Variants in FNDC3B observed in about 807,000 individuals in gnomAD.
FNDC3B encodes the protein fibronectin type III domain-containing protein 3B.
A neutral mutation model predicts 151.5 loss-of-function variants in FNDC3B; 12 were observed. The observed-to-expected ratio is 0.08, with a 90% CI of 0.05 to 0.13. The LOEUF is 0.13. FNDC3B is among the 10% of genes least tolerant of loss of function. The pLI, the probability that FNDC3B is intolerant of heterozygous loss-of-function variation, is 1.00. For missense variants in FNDC3B, 1,214 were observed against 1,505.3 expected, an observed-to-expected ratio of 0.81 and a Z score of 3.20; for synonymous variants, 528 against 549.0, an observed-to-expected ratio of 0.96 and a Z score of 0.54.
At chr3:172,142,220 C>A (rs531514197) in intron 3 of FNDC3B, among the ~76,000 whole-genome samples, 1 of 151,958 alleles carries the variant, frequency 6.6e-6, no homozygotes, top group Non-Finnish European at 1.5e-5. Context: ...ATTGACCCCC[C>A]CTTCATTTTT....
chr3:172,322,423 T>C (rs950713171), intron 11 of FNDC3B, among the ~76,000 whole-genome samples: 2 of 152,154 alleles, frequency 1.3e-5, no homozygotes, highest in African/African-American at 4.8e-5. Context: ...AGCCTTTTGG[T>C]TACAAGAGAG....
chr3:172,298,683 T>C, intron 8 of FNDC3B, 45 bp from the exon 9 acceptor site: 2 of 1,457,770 alleles, frequency 1.4e-6, no homozygotes, highest in Non-Finnish European at 9.5e-7. Context: ...TCTCGTTTGC[T>C]TTTGAAACTG....
At position 172,112,566 on chromosome 3, in the gene FNDC3B, G is replaced by T. The variant is rs1165019148; in HGVS notation, c.87G>T (p.Leu29Phe). Residue 29 changes from leucine (L) to phenylalanine (F), a missense_variant, in exon 2 of 26, where the codon TTG (leucine) becomes TTT (phenylalanine). Leu to Phe is a conservative substitution (Grantham distance 22, BLOSUM62 0). Coordinates refer to ENST00000415807, the MANE Select transcript of FNDC3B (RefSeq NM_022763.4). ...GAGAGGTAGCCATGATGCCCCACTT[G>T]GTGAATGGAGATGCAGCTCAGCAGG... ...LNGEVAMMPHLVNGDAAQQVI... is the reference protein window; with the variant it reads ...LNGEVAMMPHFVNGDAAQQVI... 6.2e-7 allele frequency: 1 copy of T among 1,613,582 alleles called. No individual in the cohort carries two copies. Among genetic ancestry groups the T allele is most frequent in the Admixed American group, 1.7e-5 (1 of 60,016 alleles).
chr3:172,347,085 C>A (rs772231440), intron 20 of FNDC3B, 127 bp from the exon 21 acceptor site: 1 of 823,012 alleles, frequency 1.2e-6, no homozygotes, highest in Non-Finnish European at 1.9e-6. Flanking sequence ...TCGTGCCTTT[C>A]TTTTATATGT....
chr3:172,186,814 T>C, intron 3 of FNDC3B: 1 of 691,590 alleles, frequency 1.4e-6, no homozygotes. Context: ...CATAGATATT[T>C]CTTCATTACG....
chr3:172,135,040 G>T lies in FNDC3B; in HGVS notation c.187+1494G>T, dbSNP rs527422118. On this transcript the variant is annotated intron_variant, in intron 3 of 25. Transcript: ENST00000415807. Reference sequence around the variant, plus strand: ...AAAACTAGATGAAAGTCACCTATATGGGATGAAGCTGAAGTTTCCAGTTCA... The same window carrying T: ...AAAACTAGATGAAAGTCACCTATATTGGATGAAGCTGAAGTTTCCAGTTCA... Among the ~76,000 whole-genome samples, 8 of 151,770 alleles carry T rather than the reference G, an allele frequency of 5.3e-5. No individual in the cohort carries two copies. The East Asian group carries it at 1.5e-3, about 29-fold the overall frequency.
chr3:172,252,211 G>C (rs983132746), intron 6 of FNDC3B, among the ~76,000 whole-genome samples: 1 of 152,108 alleles, frequency 6.6e-6, no homozygotes, highest in African/African-American at 2.4e-5. Flanking sequence ...GTAGTTTAGA[G>C]AGAACCTATT....
At chr3:172,064,506 G>A (rs1211720642) in intron 1 of FNDC3B, among the ~76,000 whole-genome samples, 1 of 152,094 alleles carries the variant, frequency 6.6e-6, no homozygotes, top group Non-Finnish European at 1.5e-5. Flanking sequence ...ACTTGTCTTT[G>A]TAAGAAACGG....
At chr3:172,086,783 A>T (rs1646590184) in intron 1 of FNDC3B, among the ~76,000 whole-genome samples, 1 of 152,224 alleles carries the variant, frequency 6.6e-6, no homozygotes. Context: ...CCTTGGGGAG[A>T]TTCTCAGTGT....
chr3:172,320,986 T>C (rs1309216321), intron 11 of FNDC3B, among the ~76,000 whole-genome samples: 2 of 152,236 alleles, frequency 1.3e-5, no homozygotes, highest in African/African-American at 4.8e-5. Flanking sequence ...TTAAACATAC[T>C]CTAAATATTA....
intron 3 of FNDC3B, among the ~76,000 whole-genome samples, chr3:172,141,034 A>G (rs1240054677): frequency 4.6e-5 from 7 of 152,192 alleles, no homozygotes; most frequent in Non-Finnish European, 1.5e-5. Context: ...TTCCTCTCTT[A>G]AAATGGGAAC....
At chr3:172,375,547 A>G (rs1214162733) in intron 23 of FNDC3B, among the ~76,000 whole-genome samples, 2 of 152,202 alleles carry the variant, frequency 1.3e-5, no homozygotes, top group African/African-American at 4.8e-5. Context: ...CTTACCATCT[A>G]TTTTGGCTAT....
At chr3:172,365,979 G>C (rs574504567) in intron 23 of FNDC3B, among the ~76,000 whole-genome samples, 21 of 152,230 alleles carry the variant, frequency 1.4e-4, no homozygotes, top group African/African-American at 4.8e-4. Context: ...TTCACCTTAA[G>C]GCAACAAATC....
chr3:172,090,446 A>AAACG (rs1278568451), intron 1 of FNDC3B, among the ~76,000 whole-genome samples: 1 of 152,110 alleles, frequency 6.6e-6, no homozygotes, highest in African/African-American at 2.4e-5. Context: ...ACAAACAAAC[A>AAACG]AACAAACAGG....
chr3:172,076,466 G>A (rs192285899), intron 1 of FNDC3B, among the ~76,000 whole-genome samples: 32 of 152,262 alleles, frequency 2.1e-4, no homozygotes, highest in African/African-American at 7.5e-4. Context: ...TGATCTTTTA[G>A]GGCACCATGT....
intron 2 of FNDC3B, among the ~76,000 whole-genome samples, chr3:172,122,971 T>C (rs1046300112): frequency 6.6e-6 from 1 of 152,224 alleles, no homozygotes; most frequent in Admixed American, 6.5e-5. Flanking sequence ...TAGCCACACC[T>C]TAGATTTGAA....
chr3:172,229,122 C>CAA (rs1477518357), intron 4 of FNDC3B, among the ~76,000 whole-genome samples: 1 of 150,646 alleles, frequency 6.6e-6, no homozygotes, highest in Non-Finnish European at 1.5e-5. Context: ...CACACACACA[C>CAA]ACACACACAC....
At chr3:172,279,096 C>T (rs945805106) in intron 6 of FNDC3B, among the ~76,000 whole-genome samples, 2 of 152,136 alleles carry the variant, frequency 1.3e-5, no homozygotes, top group Non-Finnish European at 2.9e-5. Flanking sequence ...ACCTGGCACT[C>T]CATGTTGCCT....
intron 3 of FNDC3B, among the ~76,000 whole-genome samples, chr3:172,225,201 G>T (rs1211377795): frequency 6.6e-6 from 1 of 152,138 alleles, no homozygotes; most frequent in Non-Finnish European, 1.5e-5. Flanking sequence ...GGAAGACAGG[G>T]TCTTGCTCTG....
Sources: allele counts gnomAD v4.1 joint callset (sites outside exome capture counted in the v4.1 genomes callset), GRCh38; gene constraint gnomAD v4.1.1; transcripts MANE v1.5; gene names NCBI Gene and HGNC (gene_info 2026-07-23, HGNC 2026-07-21).